MSRA: variants seen among roughly 807,000 people sequenced by gnomAD.
The protein encoded by MSRA is methionine sulfoxide reductase A, also known as mitochondrial peptide methionine sulfoxide reductase.
MSRA carries 54 observed loss-of-function variants against 31.3 expected under a neutral mutation model. The observed-to-expected ratio is 1.73, with a 90% CI of 1.39 to 2.17. MSRA has a LOEUF of 2.17. Ranked by LOEUF, MSRA falls within the 30% of genes most tolerant of loss-of-function variation. The pLI, the probability that MSRA is intolerant of heterozygous loss-of-function variation, is 0.00. For missense variants in MSRA, 507 were observed against 300.9 expected, an observed-to-expected ratio of 1.69 and a Z score of -5.07; for synonymous variants, 169 against 116.5, an observed-to-expected ratio of 1.45 and a Z score of -2.90.
intron 2 of MSRA, among the ~76,000 whole-genome samples, chr8:10,242,747 C>A (rs1340746474): frequency 1.3e-5 from 2 of 152,230 alleles, no homozygotes; most frequent in Non-Finnish European, 2.9e-5. Context: ...TTCACACTCA[C>A]ACCTTCAAAG....
At chr8:10,339,217 G>A (rs1270245003) in intron 5 of MSRA, among the ~76,000 whole-genome samples, 1 of 152,208 alleles carries the variant, frequency 6.6e-6, no homozygotes, top group African/African-American at 2.4e-5. Flanking sequence ...AAGCGATGAT[G>A]TTGGAGTTGC....
intron 3 of MSRA, among the ~76,000 whole-genome samples, chr8:10,267,404 G>A (rs1271344761): frequency 1.3e-5 from 2 of 152,106 alleles, no homozygotes; most frequent in Non-Finnish European, 2.9e-5. Context: ...ACAAAATGGG[G>A]TTGTGTAGGG....
At chr8:10,286,917 T>A (rs1799968129) in intron 3 of MSRA, among the ~76,000 whole-genome samples, 1 of 152,262 alleles carries the variant, frequency 6.6e-6, no homozygotes, top group South Asian at 2.1e-4. Flanking sequence ...ATAGCGTACC[T>A]TTTTGGCGTT....
chr8:10,165,083 G>T (rs992525690), intron 1 of MSRA, among the ~76,000 whole-genome samples: 1 of 152,244 alleles, frequency 6.6e-6, no homozygotes, highest in African/African-American at 2.4e-5. Flanking sequence ...CAGACTCTTG[G>T]AGAGTGAAGT....
chr8:10,216,831 C>G (rs945058257), intron 2 of MSRA, among the ~76,000 whole-genome samples: 1 of 152,208 alleles, frequency 6.6e-6, no homozygotes, highest in East Asian at 1.9e-4. Context: ...TTGCTTCCAC[C>G]TTTTCGCTGT....
chr8:10,282,235 G>T (rs1160712950), intron 3 of MSRA, among the ~76,000 whole-genome samples: 1 of 152,178 alleles, frequency 6.6e-6, no homozygotes, highest in East Asian at 1.9e-4. Flanking sequence ...ACAAAGGTAG[G>T]ATCGTCCATA....
At chr8:10,193,464 A>C (rs11990555) in intron 1 of MSRA, among the ~76,000 whole-genome samples, 23,787 of 152,166 alleles carry the variant, frequency 0.16, 3,800 homozygotes, top group African/African-American at 0.41. Context: ...AGAAGTGTCC[A>C]TTGCTAGAAT....
chr8:10,316,527 CCTCT>C (rs139421344), intron 4 of MSRA, among the ~76,000 whole-genome samples: 7,638 of 112,080 alleles, frequency 0.068, 315 homozygotes, highest in East Asian at 0.24. Context: ...TTTGATGATC[CCTCT>C]CTCTCTCTCT....
At chr8:10,368,148 G>T (rs558104381) in intron 5 of MSRA, among the ~76,000 whole-genome samples, 60 of 152,344 alleles carry the variant, frequency 3.9e-4, no homozygotes, top group African/African-American at 1.4e-3. Context: ...CGCTGATCCA[G>T]ATCGTGGGAC....
At chr8:10,113,019 G>A (rs942755690) in intron 1 of MSRA, among the ~76,000 whole-genome samples, 2 of 152,086 alleles carry the variant, frequency 1.3e-5, no homozygotes, top group Non-Finnish European at 2.9e-5. Flanking sequence ...GACTTCTGTT[G>A]GCTCCTTGCA....
At chr8:10,307,203 C>G (rs1188944699) in intron 4 of MSRA, among the ~76,000 whole-genome samples, 1 of 146,546 alleles carries the variant, frequency 6.8e-6, no homozygotes, top group Non-Finnish European at 1.5e-5. Flanking sequence ...TGGTCTTGCT[C>G]TGTCACCTAG....
rs1554447231 is a variant in MSRA at position 10,113,289 on chromosome 8, C to CCTTTTTTTTTTTT, written c.142+58631_142+58632insCTTTTTTTTTTTT. Among the ~76,000 whole-genome samples the CCTTTTTTTTTTTT allele has an allele frequency of 5.3e-4, 27 of 50,902 alleles. No homozygotes were observed. The Admixed American group carries it at 6.5e-3, about 12-fold the overall frequency. The allele number at this position is 50,902 out of a possible 152,430, so 33.4% of individuals were successfully genotyped here. A position where few individuals can be genotyped will look rare whatever the true frequency, so the allele number is the denominator to read the frequency against. ...AGGCATGGCTTTGGTGAAGACAGGT[C>CCTTTTTTTTTTTT]TTCTTTTTTTTTTTTTTTTTTTTTT... On this transcript the variant is annotated intron_variant, in intron 1 of 5. Coordinates refer to ENST00000317173, the MANE Select transcript of MSRA (RefSeq NM_012331.5).
At chr8:10,401,535 T>C (rs1807463416) in intron 5 of MSRA, among the ~76,000 whole-genome samples, 1 of 152,218 alleles carries the variant, frequency 6.6e-6, no homozygotes, top group Admixed American at 6.5e-5. Flanking sequence ...GTAGAATTGC[T>C]GTATCCTGCA....
intron 5 of MSRA, among the ~76,000 whole-genome samples, chr8:10,420,498 C>G (rs1343916712): frequency 6.6e-6 from 1 of 152,140 alleles, no homozygotes; most frequent in African/African-American, 2.4e-5. Context: ...TTCTTGTGGT[C>G]TGGAGAGCCC....
At chr8:10,166,315 C>T (rs1191976707) in intron 1 of MSRA, among the ~76,000 whole-genome samples, 1 of 151,966 alleles carries the variant, frequency 6.6e-6, no homozygotes, top group East Asian at 1.9e-4. Context: ...TGCATTTTGG[C>T]ATAATGGTGT....
At chr8:10,192,404 G>T (rs932793582) in intron 1 of MSRA, among the ~76,000 whole-genome samples, 10 of 152,140 alleles carry the variant, frequency 6.6e-5, no homozygotes, top group African/African-American at 2.4e-4. Flanking sequence ...AGATGAGACC[G>T]CAGCCCAGCT....
At chr8:10,099,776 A>G (rs1317525625) in intron 1 of MSRA, among the ~76,000 whole-genome samples, 1 of 152,144 alleles carries the variant, frequency 6.6e-6, no homozygotes, top group Non-Finnish European at 1.5e-5. Context: ...ATTGGAGATG[A>G]TATGAAACAA....
intron 3 of MSRA, among the ~76,000 whole-genome samples, chr8:10,287,621 A>G (rs765618844): frequency 2.0e-5 from 3 of 152,120 alleles, no homozygotes; most frequent in African/African-American, 4.8e-5. Context: ...TGGACTTACT[A>G]TTAGTGTCTT....
chr8:10,084,955 A>G (rs145526767), intron 1 of MSRA, among the ~76,000 whole-genome samples: 19 of 152,264 alleles, frequency 1.2e-4, no homozygotes, highest in Middle Eastern at 3.4e-3. Flanking sequence ...GTTCCCCTTT[A>G]TATTTAATAC....
Sources: gnomAD v4.1 joint callset for allele counts (sites outside exome capture counted in the v4.1 genomes callset) on GRCh38, gnomAD v4.1.1 for gene constraint, MANE v1.5 for transcripts, NCBI Gene and HGNC (gene_info 2026-07-23, HGNC 2026-07-21) for gene names.